Variants in SMG6 observed in about 807,000 individuals in gnomAD.
SMG6 encodes telomerase-binding protein EST1A.
Under a neutral mutation model 142.2 loss-of-function variants are expected in SMG6, and 66 were observed. The observed-to-expected ratio is 0.46, with a 90% CI of 0.38 to 0.57. The LOEUF is 0.57. Among genes scored for constraint, SMG6 ranks in the 20% least tolerant of loss-of-function variants. The pLI, the probability that SMG6 is intolerant of heterozygous loss-of-function variation, is 0.00. For synonymous variants in SMG6, 779 were observed against 702.4 expected, an observed-to-expected ratio of 1.11 and a Z score of -1.72; for missense variants, 1,793 against 1,832.0, an observed-to-expected ratio of 0.98 and a Z score of 0.39.
At chr17:2,291,330 C>T (rs1434380735) in intron 6 of SMG6, among the ~76,000 whole-genome samples, 1 of 142,616 alleles carries the variant, frequency 7.0e-6, no homozygotes, top group African/African-American at 2.6e-5. Flanking sequence ...GACTCCGTCT[C>T]AGAAAAAAAA....
At chr17:2,286,332 TA>T (rs1218273120) in intron 6 of SMG6, among the ~76,000 whole-genome samples, 6 of 145,740 alleles carry the variant, frequency 4.1e-5, no homozygotes, top group Admixed American at 4.1e-4. Context: ...AAAACGAAGT[TA>T]GGGGACTCAC....
intron 12 of SMG6, among the ~76,000 whole-genome samples, chr17:2,186,047 G>A (rs936220827): frequency 2.6e-5 from 4 of 151,944 alleles, no homozygotes; most frequent in African/African-American, 7.3e-5. Context: ...GCAACACGGC[G>A]AAACCCTGTC....
intron 13 of SMG6, among the ~76,000 whole-genome samples, chr17:2,119,150 C>T (rs1024785588): frequency 6.6e-6 from 1 of 151,332 alleles, no homozygotes; most frequent in Non-Finnish European, 1.5e-5. Flanking sequence ...CTCCGTCTCC[C>T]GGGTTCAAGC....
At chr17:2,248,936 G>C (rs1342549239) in intron 8 of SMG6, among the ~76,000 whole-genome samples, 1 of 151,974 alleles carries the variant, frequency 6.6e-6, no homozygotes, top group South Asian at 2.1e-4. Context: ...ACCCAGGCTG[G>C]AGTGCAGTGG....
intron 13 of SMG6, among the ~76,000 whole-genome samples, chr17:2,131,090 A>C (rs1468822617): frequency 6.6e-6 from 1 of 152,228 alleles, no homozygotes; most frequent in African/African-American, 2.4e-5. Flanking sequence ...CTTATTATTA[A>C]AACAATTGAT....
intron 12 of SMG6, among the ~76,000 whole-genome samples, chr17:2,174,553 G>A (rs554084477): frequency 2.0e-5 from 3 of 152,298 alleles, no homozygotes; most frequent in East Asian, 1.9e-4. Flanking sequence ...GGAACCAGAC[G>A]GAACACAGCC....
intron 8 of SMG6, among the ~76,000 whole-genome samples, chr17:2,248,325 G>A (rs1331527514): frequency 1.3e-5 from 2 of 152,178 alleles, no homozygotes; most frequent in Admixed American, 1.3e-4. Flanking sequence ...AAGGGCTAAC[G>A]AGGGAATAAG....
intron 13 of SMG6, among the ~76,000 whole-genome samples, chr17:2,104,426 T>C (rs969079818): frequency 1.1e-4 from 16 of 152,100 alleles, no homozygotes; most frequent in Non-Finnish European, 2.4e-4. Context: ...CACTTGGGTA[T>C]TTATTGTGAA....
rs1479546188 is a variant in SMG6, at chr17:2,084,605, T to C, written c.3534+1120A>G. Among the ~76,000 whole-genome samples, 4 of 152,308 alleles carry C rather than the reference T, an allele frequency of 2.6e-5. No individual in the cohort carries two copies. The East Asian group carries it at 7.7e-4, about 29-fold the overall frequency. On this transcript the variant is annotated intron_variant, in intron 14 of 18. Transcript: ENST00000263073. ...GCTTCCAGCTGACATCTGGCTTCCT[T>C]GGCCTGTTGCTGACTTCATCCCTGT...
At chr17:2,178,831 G>A (rs559572548) in intron 12 of SMG6, among the ~76,000 whole-genome samples, 2 of 152,260 alleles carry the variant, frequency 1.3e-5, no homozygotes, top group African/African-American at 2.4e-5. Context: ...AGCCCTCGGC[G>A]GCCTCCCTGG....
At chr17:2,163,462 G>A (rs1165822715) in intron 13 of SMG6, among the ~76,000 whole-genome samples, 2 of 152,152 alleles carry the variant, frequency 1.3e-5, no homozygotes, top group African/African-American at 4.8e-5. Context: ...TTAGAGGTGC[G>A]AGCCACTGTG....
At chr17:2,107,846 C>A (rs2069196951) in intron 13 of SMG6, among the ~76,000 whole-genome samples, 14 of 152,088 alleles carry the variant, frequency 9.2e-5, no homozygotes, top group Admixed American at 9.2e-4. Context: ...CGAAAGGAGG[C>A]CAGCATGGGA....
chr17:2,299,532 G>C lies in SMG6; in HGVS notation c.1221C>G (p.Gly407=), dbSNP rs772792270. 12 of 1,613,986 alleles carry C rather than the reference G, an allele frequency of 7.4e-6. No homozygotes were observed. In the African/African-American group the frequency reaches 1.3e-4, roughly 18 times the overall value. ...TGGTATGGGCAGGCAAAATCAGAAT[G>C]CCACGACCACGACCCCGAAGTTCTT... ...PKQELRGRGR[G]ILILPAHTTL... Residue 407 remains glycine (G), a synonymous_variant, in exon 2 of 19, where the codon GGC becomes GGG. Transcript: ENST00000263073. This position sits in a 1 kb window ranked among gnomAD's most constrained non-coding sequence, Gnocchi z 4.3.
chr17:2,285,392 TA>T (rs2074881775), intron 6 of SMG6, among the ~76,000 whole-genome samples: 1 of 152,124 alleles, frequency 6.6e-6, no homozygotes, highest in Non-Finnish European at 1.5e-5. Flanking sequence ...AGTGCGAATC[TA>T]GGTCAGAGGT....
chr17:2,179,740 G>GT (rs759045808), intron 12 of SMG6, among the ~76,000 whole-genome samples: 1 of 152,170 alleles, frequency 6.6e-6, no homozygotes, highest in Non-Finnish European at 1.5e-5. Context: ...ATGTAACCCT[G>GT]GTCATGGGCA....
chr17:2,069,694 T>TGCA (rs963960215), intron 15 of SMG6, among the ~76,000 whole-genome samples: 2 of 152,228 alleles, frequency 1.3e-5, no homozygotes, highest in African/African-American at 4.8e-5. Context: ...GAAATTCTCC[T>TGCA]GCAGCAGCAG....
intron 15 of SMG6, among the ~76,000 whole-genome samples, chr17:2,070,442 C>G (rs1032443353): frequency 6.6e-6 from 1 of 152,232 alleles, no homozygotes; most frequent in African/African-American, 2.4e-5. Context: ...CACAGAGCAA[C>G]TTGCAGAGAC....
chr17:2,212,705 A>G (rs1053725347), intron 10 of SMG6: 7 of 152,254 alleles, frequency 4.6e-5, no homozygotes, highest in Admixed American at 2.0e-4. Context: ...ACACCCTACC[A>G]AACTAACTCC....
At chr17:2,237,671 A>G (rs2073701964) in intron 9 of SMG6, 3 of 549,242 alleles carry the variant, frequency 5.5e-6, no homozygotes, top group South Asian at 1.6e-4. Context: ...AAATCTAGCC[A>G]GTGACCTAGG....
Sources: allele counts gnomAD v4.1 joint callset (sites outside exome capture counted in the v4.1 genomes callset), GRCh38; gene constraint gnomAD v4.1.1; non-coding constraint Gnocchi (gnomAD v3.1); transcripts MANE v1.5; gene names NCBI Gene and HGNC (gene_info 2026-07-23, HGNC 2026-07-21).